The following HCRTR2 variants were observed in gnomAD, a reference collection of about 807,000 sequenced individuals.
HCRTR2 encodes the protein hypocretin receptor 2.
In HCRTR2, 22 loss-of-function variants were observed where a neutral mutation model predicts 49.0. That is an observed-to-expected ratio of 0.45 (90% confidence interval 0.32 to 0.64). The LOEUF (loss-of-function observed/expected upper bound fraction) is 0.64, where lower values mean the gene tolerates loss of function less well. Among genes scored for constraint, HCRTR2 ranks in the 30% least tolerant of loss-of-function variants. The pLI, the probability that HCRTR2 is intolerant of heterozygous loss-of-function variation, is 0.04. For synonymous variants in HCRTR2, 236 were observed against 205.3 expected, an observed-to-expected ratio of 1.15 and a Z score of -1.28; for missense variants, 491 against 559.4, an observed-to-expected ratio of 0.88 and a Z score of 1.23.
At chr6:55,253,504 T>C (rs1766592423) in intron 2 of HCRTR2, among the ~76,000 whole-genome samples, 1 of 152,200 alleles carries the variant, frequency 6.6e-6, no homozygotes, top group Non-Finnish European at 1.5e-5. Context: ...GACTGGACTA[T>C]ATCTACTGCC....
intron 1 of HCRTR2, among the ~76,000 whole-genome samples, chr6:55,128,344 G>T (rs2127244034): frequency 6.6e-6 from 1 of 152,284 alleles, no homozygotes; most frequent in African/African-American, 2.4e-5. Context: ...ATAGTTTGAA[G>T]TAGGGTGGGG....
intron 3 of HCRTR2, among the ~76,000 whole-genome samples, chr6:55,258,524 T>A (rs1453682600): frequency 6.6e-6 from 1 of 152,178 alleles, no homozygotes; most frequent in Non-Finnish European, 1.5e-5. Flanking sequence ...CATTATTGCC[T>A]ATTACTTCTT....
intron 1 of HCRTR2, among the ~76,000 whole-genome samples, chr6:55,180,170 T>G (rs1765106871): frequency 6.6e-6 from 1 of 152,198 alleles, no homozygotes; most frequent in Non-Finnish European, 1.5e-5. Context: ...ATGAGAAGAT[T>G]AATAGGTTTT....
At chr6:55,179,239 C>A (rs1337336794) in intron 1 of HCRTR2, among the ~76,000 whole-genome samples, 1 of 151,936 alleles carries the variant, frequency 6.6e-6, no homozygotes, top group African/African-American at 2.4e-5. Flanking sequence ...CCCATCCTTA[C>A]CTACACAGGA....
intron 1 of HCRTR2, among the ~76,000 whole-genome samples, chr6:55,116,792 A>G (rs546539333): frequency 4.0e-4 from 60 of 151,644 alleles, no homozygotes; most frequent in African/African-American, 1.2e-3. Context: ...GAAAGGTACT[A>G]ACAGTCTAAT....
chr6:55,131,996 A>G (rs1223016271), intron 1 of HCRTR2, among the ~76,000 whole-genome samples: 1 of 151,772 alleles, frequency 6.6e-6, no homozygotes, highest in African/African-American at 2.4e-5. Flanking sequence ...TTAAATTCAT[A>G]CTCTCAGCAA....
intron 1 of HCRTR2, among the ~76,000 whole-genome samples, chr6:55,214,050 C>T (rs1019133848): frequency 6.6e-6 from 1 of 151,836 alleles, no homozygotes; most frequent in Non-Finnish European, 1.5e-5. Flanking sequence ...ATTCTAGATG[C>T]CTGGGGGCCA....
At chr6:55,205,945 C>T (rs577039710) in intron 1 of HCRTR2, among the ~76,000 whole-genome samples, 2 of 151,608 alleles carry the variant, frequency 1.3e-5, no homozygotes, top group Non-Finnish European at 1.5e-5. Flanking sequence ...ATCTCATGTA[C>T]CCCATAAATA....
chr6:55,170,487 A>G (rs780489336), upstream of HCRTR2, among the ~76,000 whole-genome samples: 51 of 151,840 alleles, frequency 3.4e-4, no homozygotes, highest in Non-Finnish European at 5.9e-4. Context: ...GCTATTTTGA[A>G]ATGTACATTG....
Position 55,251,017 on chromosome 6 carries a change from A to G in HCRTR2, c.402+2200A>G, listed in dbSNP as rs572478522. Among the ~76,000 whole-genome samples, 3 of 152,238 alleles carry G rather than the reference A, an allele frequency of 2.0e-5. No individual in the cohort carries two copies. In the East Asian group the frequency reaches 5.8e-4, roughly 29 times the overall value. On this transcript the variant is annotated intron_variant, in intron 2 of 6. Transcript: ENST00000370862. Reference sequence around the variant, plus strand: ...CCAAATTCTTCATATTTATTGCCTCATTTTTCATAGAATGTTCCCAAATGC... The same window carrying G: ...CCAAATTCTTCATATTTATTGCCTCGTTTTTCATAGAATGTTCCCAAATGC...
downstream of HCRTR2, among the ~76,000 whole-genome samples, chr6:55,284,616 G>A (rs560597479): frequency 2.6e-5 from 4 of 152,156 alleles, no homozygotes; most frequent in African/African-American, 9.6e-5. Flanking sequence ...GTGGTTGGAT[G>A]TCTGAAAGAA....
rs201743993 is a variant in HCRTR2 at position 55,174,595 on chromosome 6, G to T, written c.8G>T (p.Gly3Val). The part of the protein sequence containing the change: MS[G>V]TKLEDSPPCR... The stretch of plus-strand genomic sequence containing the variant: ...ACCGGACTTGAGCCCGTGATGTCCG[G>T]CACCAAATTGGAGGACTCCCCCCCT... The change falls in exon 1 of 7, where the codon GGC becomes GTC. Residue 3 changes from glycine (G) to valine (V), a missense_variant. Gly to Val is a moderately radical substitution (Grantham distance 109). Coordinates refer to ENST00000370862, the MANE Select transcript of HCRTR2 (RefSeq NM_001384272.1). The T allele has an allele frequency of 8.7e-5, 140 of 1,613,606 alleles. No individual in the cohort carries two copies. Among genetic ancestry groups the T allele is most frequent in the Non-Finnish European group, 1.1e-4 (135 of 1,179,796 alleles).
chr6:55,130,817 G>T (rs1449882605), intron 1 of HCRTR2, among the ~76,000 whole-genome samples: 1 of 151,890 alleles, frequency 6.6e-6, no homozygotes. Context: ...ACACAGAAAT[G>T]ACTTGTAAAC....
intron 1 of HCRTR2, among the ~76,000 whole-genome samples, chr6:55,222,058 A>G (rs1765908372): frequency 6.6e-6 from 1 of 152,154 alleles, no homozygotes; most frequent in African/African-American, 2.4e-5. Context: ...TGCAAACCAT[A>G]TATCTGATAA....
chr6:55,106,832 T>C (rs925861282), intron 1 of HCRTR2, among the ~76,000 whole-genome samples: 3 of 152,178 alleles, frequency 2.0e-5, no homozygotes, highest in African/African-American at 7.2e-5. Context: ...TACAAATCTT[T>C]TGCACATGCC....
chr6:55,205,635 T>G (rs1765587348), intron 1 of HCRTR2, among the ~76,000 whole-genome samples: 1 of 152,080 alleles, frequency 6.6e-6, no homozygotes, highest in Non-Finnish European at 1.5e-5. Flanking sequence ...CCAAGACTTC[T>G]GCTATTAAAA....
At chr6:55,242,795 A>G (rs1766360903) in intron 1 of HCRTR2, among the ~76,000 whole-genome samples, 1 of 152,250 alleles carries the variant, frequency 6.6e-6, no homozygotes, top group African/African-American at 2.4e-5. Flanking sequence ...CTCATATACA[A>G]TCTGTAAGAT....
chr6:55,213,962 T>C (rs1488032585), intron 1 of HCRTR2, among the ~76,000 whole-genome samples: 8 of 151,016 alleles, frequency 5.3e-5, no homozygotes, highest in Admixed American at 4.0e-4. Context: ...ATTATGGCTT[T>C]GTGGGAGTGA....
rs148930604 is a variant in HCRTR2 at position 55,124,292 on chromosome 6, C to A, written c.-378+17747C>A. Reference sequence around the variant, plus strand: ...CCTCTACACACTGCTTTAAATGTGTCACAGAGATTCTGGTATGTTATGTCT... The same window carrying A: ...CCTCTACACACTGCTTTAAATGTGTAACAGAGATTCTGGTATGTTATGTCT... On this transcript the variant is annotated intron_variant, in intron 1 of 7. Transcript: ENST00000615358. Among the ~76,000 whole-genome samples the A allele has an allele frequency of 3.7e-4, 57 of 152,274 alleles. 1 individual carries two copies. In the East Asian group the frequency reaches 0.01, roughly 27 times the overall value.
Sources: allele counts gnomAD v4.1 joint callset (sites outside exome capture counted in the v4.1 genomes callset), GRCh38; gene constraint gnomAD v4.1.1; transcripts MANE v1.5; gene names NCBI Gene and HGNC (gene_info 2026-07-23, HGNC 2026-07-21).